PHACTR3: variants seen among roughly 807,000 people sequenced by gnomAD.
The protein encoded by PHACTR3 is protein phosphatase 1, regulatory subunit 123.
A neutral mutation model predicts 66.8 loss-of-function variants in PHACTR3; 16 were observed. That is an observed-to-expected ratio of 0.24 (90% CI 0.16 to 0.36). PHACTR3 has a LOEUF of 0.36. Ranked by LOEUF, PHACTR3 falls within the 10% of genes least tolerant of loss-of-function variation. The pLI is 1.00. For synonymous variants in PHACTR3, 323 were observed against 292.1 expected (o/e 1.11, Z -1.08); for missense variants, 647 against 719.9 (o/e 0.90, Z 1.16).
intron 1 of PHACTR3, among the ~76,000 whole-genome samples, chr20:59,719,380 G>C (rs1343872204): frequency 1.3e-5 from 2 of 152,170 alleles, no homozygotes; most frequent in Non-Finnish European, 2.9e-5. Context: ...GGCCAGGCTG[G>C]TCTTGAACTC....
chr20:59,668,218 G>A (rs530853762), intron 1 of PHACTR3, among the ~76,000 whole-genome samples: 1 of 151,342 alleles, frequency 6.6e-6, no homozygotes, highest in South Asian at 2.1e-4. Flanking sequence ...AGGTGGACAT[G>A]TATGCCTGTA....
chr20:59,758,911 C>T (rs1278320094), intron 4 of PHACTR3, among the ~76,000 whole-genome samples: 1 of 152,128 alleles, frequency 6.6e-6, no homozygotes, highest in Non-Finnish European at 1.5e-5. Flanking sequence ...TAAGTGATCC[C>T]CAGGAAAGAC....
chr20:59,610,114 TTG>T (rs1295320000), intron 1 of PHACTR3, among the ~76,000 whole-genome samples: 1 of 152,138 alleles, frequency 6.6e-6, no homozygotes, highest in African/African-American at 2.4e-5. Context: ...AGTTAGCTGG[TTG>T]TGATGGTGTG....
At chr20:59,663,853 C>T (rs2035899555) in intron 1 of PHACTR3, among the ~76,000 whole-genome samples, 1 of 152,192 alleles carries the variant, frequency 6.6e-6, no homozygotes, top group South Asian at 2.1e-4. Context: ...GTTGCACGTG[C>T]TTGGCAAAGA....
intron 1 of PHACTR3, among the ~76,000 whole-genome samples, chr20:59,616,815 CA>C (rs1412742469): frequency 6.6e-6 from 1 of 152,110 alleles, no homozygotes; most frequent in Admixed American, 6.5e-5. Flanking sequence ...TGTGAAATAA[CA>C]AAAGATTTAG....
chr20:59,751,371 G>A (rs1233681638), intron 3 of PHACTR3, among the ~76,000 whole-genome samples: 1 of 152,126 alleles, frequency 6.6e-6, no homozygotes, highest in Admixed American at 6.5e-5. Flanking sequence ...GATTGTCAGG[G>A]ACTCCAGAGC....
intron 1 of PHACTR3, among the ~76,000 whole-genome samples, chr20:59,705,977 G>A (rs1401964284): frequency 6.6e-6 from 1 of 152,200 alleles, no homozygotes; most frequent in Non-Finnish European, 1.5e-5. Flanking sequence ...AGAGGCCAGA[G>A]CTGAAGTGAG....
In PHACTR3 at chr20:59,743,282, G is replaced by A. The variant is rs1417645145; in HGVS notation, c.280+14G>A. On this transcript the variant is annotated intron_variant, in intron 2 of 12. Transcript: ENST00000371015. ...AGACAACGTCAGGTAAAGGCCTGGT[G>A]ACAGGCGCGGGCAGGCTGTGGCTGG... 6.2e-7 allele frequency: 1 copy of A among 1,613,390 alleles called. No homozygotes were observed. Among genetic ancestry groups the A allele is most frequent in the South Asian group, 1.1e-5 (1 of 91,046 alleles).
Position 59,755,158 on chromosome 20 carries a change from G to A in PHACTR3, c.359-24G>A, listed in dbSNP as rs367964520. On this transcript the variant is annotated intron_variant, in intron 3 of 12. Transcript: ENST00000371015. ...ATGAAGGAAGGGAGGTGCAGGCCCAGCTGACAGCTACATTTCCTTGTAGAT... is the reference window on the plus strand; with the variant it reads ...ATGAAGGAAGGGAGGTGCAGGCCCAACTGACAGCTACATTTCCTTGTAGAT... 263 of 1,604,870 alleles carry A rather than the reference G, an allele frequency of 1.6e-4. 1 individual carries two copies. In the Middle Eastern group the frequency reaches 3.1e-3, roughly 19 times the overall value.
At chr20:59,723,070 CT>C (rs1168860456) in intron 1 of PHACTR3, among the ~76,000 whole-genome samples, 1 of 120,142 alleles carries the variant, frequency 8.3e-6, no homozygotes, top group South Asian at 2.6e-4. Flanking sequence ...CTCTTTCTTT[CT>C]TTCTTTCTTT....
At chr20:59,836,388 C>T in intron 8 of PHACTR3, 117 bp from the exon 9 acceptor site, 3 of 888,604 alleles carry the variant, frequency 3.4e-6, no homozygotes, top group Non-Finnish European at 5.0e-6. Context: ...TCTCTCCTTC[C>T]AATTTTGGGA....
chr20:59,774,628 T>C, intron 7 of PHACTR3, 138 bp downstream of exon 7: 1 of 1,206,774 alleles, frequency 8.3e-7, no homozygotes, highest in Non-Finnish European at 1.1e-6. Context: ...AGGGGGGCTG[T>C]GTCCTCTGGA....
intron 9 of PHACTR3, among the ~76,000 whole-genome samples, chr20:59,839,628 A>G (rs965069294): frequency 1.3e-5 from 2 of 152,176 alleles, no homozygotes; most frequent in African/African-American, 2.4e-5. Flanking sequence ...GTTTTATACT[A>G]TATCTCAGCA....
At chr20:59,755,390 T>C in intron 4 of PHACTR3, 26 bp downstream of exon 4, 1 of 1,608,374 alleles carries the variant, frequency 6.2e-7, no homozygotes, top group South Asian at 1.1e-5. Context: ...CACGCGAAGT[T>C]GAGCTGCTCC....
intron 1 of PHACTR3, among the ~76,000 whole-genome samples, chr20:59,717,862 G>A (rs1360308370): frequency 6.6e-6 from 1 of 152,150 alleles, no homozygotes; most frequent in East Asian, 1.9e-4. Flanking sequence ...GCACTCAAAT[G>A]TATTCATTTA....
At chr20:59,716,706 C>G (rs17804957) in intron 1 of PHACTR3, among the ~76,000 whole-genome samples, 7 of 152,110 alleles carry the variant, frequency 4.6e-5, no homozygotes, top group Non-Finnish European at 1.0e-4. Context: ...ACACATTTAT[C>G]TGTATGATTA....
At chr20:59,835,471 T>G (rs757894663) in intron 8 of PHACTR3, among the ~76,000 whole-genome samples, 2 of 152,140 alleles carry the variant, frequency 1.3e-5, no homozygotes, top group South Asian at 2.1e-4. Flanking sequence ...AGATAAATAA[T>G]TTTTAAATGG....
intron 5 of PHACTR3, 79 bp from the exon 6 acceptor site, chr20:59,773,200 C>T: frequency 6.7e-7 from 1 of 1,493,206 alleles, no homozygotes. Flanking sequence ...CCTTTCCGCT[C>T]ATGGTCCCCA....
intron 9 of PHACTR3, among the ~76,000 whole-genome samples, chr20:59,839,581 G>C (rs1299532379): frequency 6.6e-6 from 1 of 152,170 alleles, no homozygotes; most frequent in African/African-American, 2.4e-5. Flanking sequence ...ACCAGAAATA[G>C]GACAGCCATT....
Sources: allele counts gnomAD v4.1 joint callset (sites outside exome capture counted in the v4.1 genomes callset), GRCh38; gene constraint gnomAD v4.1.1; transcripts MANE v1.5; gene names NCBI Gene and HGNC (gene_info 2026-07-23, HGNC 2026-07-21).